Variants in CNTNAP5 observed in about 807,000 individuals in gnomAD.
CNTNAP5 encodes the protein contactin associated protein family member 5.
In CNTNAP5, 72 loss-of-function variants were observed where a neutral mutation model predicts 150.2. The observed-to-expected ratio is 0.48, with a 90% CI of 0.40 to 0.58. CNTNAP5 has a LOEUF of 0.58. Among genes scored for constraint, CNTNAP5 ranks in the 20% least tolerant of loss-of-function variants. The probability of loss-of-function intolerance (pLI) is 0.00; values close to 1 mark genes in which losing one functional copy is unlikely to be tolerated. For synonymous variants in CNTNAP5, 672 were observed against 619.8 expected, an observed-to-expected ratio of 1.08 and a Z score of -1.25; for missense variants, 1,636 against 1,626.2, an observed-to-expected ratio of 1.01 and a Z score of -0.10.
intron 7 of CNTNAP5, among the ~76,000 whole-genome samples, chr2:124,478,950 T>C (rs1168036023): frequency 6.6e-6 from 1 of 152,166 alleles, no homozygotes; most frequent in Non-Finnish European, 1.5e-5. Flanking sequence ...GGCATCCTCA[T>C]TGCAATCTGT....
At chr2:124,214,636 G>A (rs529461304) in intron 1 of CNTNAP5, among the ~76,000 whole-genome samples, 7 of 152,192 alleles carry the variant, frequency 4.6e-5, no homozygotes, top group African/African-American at 9.6e-5. Context: ...ACTAGTGCAG[G>A]CAGAAGGCTC....
At chr2:124,210,825 G>A (rs1394863671) in intron 1 of CNTNAP5, among the ~76,000 whole-genome samples, 2 of 152,032 alleles carry the variant, frequency 1.3e-5, no homozygotes, top group Admixed American at 6.6e-5. Context: ...ACATGAGCTT[G>A]GGAGGCCCTA....
intron 3 of CNTNAP5, among the ~76,000 whole-genome samples, chr2:124,373,833 A>G (rs780057): frequency 0.26 from 38,978 of 149,146 alleles, 6,029 homozygotes; most frequent in South Asian, 0.5. Context: ...ACCTGATAAC[A>G]AATACTTAGT....
chr2:124,823,955 G>A (rs1485841315), intron 19 of CNTNAP5, among the ~76,000 whole-genome samples: 2 of 133,620 alleles, frequency 1.5e-5, no homozygotes, highest in Non-Finnish European at 3.2e-5. Flanking sequence ...TTTTACTCTT[G>A]TTTCCCAGGC....
chr2:124,586,416 G>A lies in CNTNAP5; in HGVS notation c.1756+23093G>A, dbSNP rs990483486. Among the ~76,000 whole-genome samples, 16 of 152,148 alleles carry A rather than the reference G, an allele frequency of 1.1e-4. No individual in the cohort carries two copies. In the East Asian group the frequency reaches 1.4e-3, roughly 13 times the overall value. On this transcript the variant is annotated intron_variant, in intron 11 of 23. Transcript: ENST00000682447. ...GCTACTATCCAGCGGAGCCAGGAGC[G>A]GGTGCTGGCCTGCCTGCAGGACACA...
chr2:124,501,957 G>A (rs1190374161), intron 7 of CNTNAP5, among the ~76,000 whole-genome samples: 1 of 152,158 alleles, frequency 6.6e-6, no homozygotes, highest in Non-Finnish European at 1.5e-5. Context: ...AGCTGGAGTG[G>A]CTTCACAGGG....
intron 7 of CNTNAP5, among the ~76,000 whole-genome samples, chr2:124,483,995 C>T (rs1693814363): frequency 1.3e-5 from 2 of 152,352 alleles, no homozygotes; most frequent in African/African-American, 4.8e-5. Flanking sequence ...GATCACTCAT[C>T]ACAATTCTGG....
intron 11 of CNTNAP5, among the ~76,000 whole-genome samples, chr2:124,578,200 G>A (rs559380816): frequency 2.5e-4 from 38 of 150,264 alleles, no homozygotes; most frequent in African/African-American, 9.0e-4. Context: ...CATGGTGGCA[G>A]GCACCTGTAA....
At position 124,761,719 on chromosome 2, in the gene CNTNAP5, A is replaced by G. The variant is rs1193080119; in HGVS notation, c.2235-1953A>G. Among the ~76,000 whole-genome samples, 9 of 152,240 alleles carry G rather than the reference A, an allele frequency of 5.9e-5. No homozygotes were observed. The South Asian group carries it at 1.0e-3, about 18-fold the overall frequency. ...TTAAATTTGTGTCTGTTTCTGTTGC[A>G]TTAAACAGCTTTAGAGAGCAATTTA... On this transcript the variant is annotated intron_variant, in intron 14 of 23. Coordinates refer to ENST00000682447, the MANE Select transcript of CNTNAP5 (RefSeq NM_001367498.1).
Position 124,419,152 on chromosome 2 carries a change from A to AAACAAAAAAAAC in CNTNAP5, c.529+1564_529+1565insCAAAAAAAACAA, listed in dbSNP as rs1692013278. On this transcript the variant is annotated intron_variant, in intron 4 of 23. Coordinates refer to ENST00000682447, the MANE Select transcript of CNTNAP5 (RefSeq NM_001367498.1). ...CGAGACTCCTTCTCAAAAAAAAAAA[A>AAACAAAAAAAAC]AAAAAAAAAAACAGTATGAAGCTTT... is the stretch of plus-strand genomic sequence containing the variant. Among the ~76,000 whole-genome samples the AAACAAAAAAAAC allele has an allele frequency of 2.5e-5, 3 of 120,996 alleles. 1 individual carries two copies. Among genetic ancestry groups the AAACAAAAAAAAC allele is most frequent in the Admixed American group, 1.7e-4 (2 of 11,674 alleles). 79.4% of individuals were successfully genotyped at this position (120,996 alleles called of 152,430 possible).
intron 13 of CNTNAP5, among the ~76,000 whole-genome samples, chr2:124,655,959 GAA>G (rs1439047161): frequency 8.2e-6 from 1 of 122,356 alleles, no homozygotes; most frequent in African/African-American, 3.1e-5. Flanking sequence ...AAGAAAGAAA[GAA>G]AGAAAGAAAG....
intron 1 of CNTNAP5, among the ~76,000 whole-genome samples, chr2:124,200,789 A>G (rs1011605885): frequency 1.3e-5 from 2 of 152,136 alleles, no homozygotes; most frequent in Non-Finnish European, 2.9e-5. Flanking sequence ...AGAGGCACAA[A>G]TTGTCCACAC....
chr2:124,777,742 A>G (rs1681356495), intron 17 of CNTNAP5, among the ~76,000 whole-genome samples: 1 of 147,978 alleles, frequency 6.8e-6, no homozygotes, highest in South Asian at 2.2e-4. Flanking sequence ...TCTCTGTTGG[A>G]TTGACAATGG....
At chr2:124,788,913 A>G (rs1681658278) in intron 17 of CNTNAP5, among the ~76,000 whole-genome samples, 1 of 152,138 alleles carries the variant, frequency 6.6e-6, no homozygotes, top group African/African-American at 2.4e-5. Context: ...GATTACAGGC[A>G]TGTACCACCA....
chr2:124,032,277 A>T (rs145962318), intron 1 of CNTNAP5, among the ~76,000 whole-genome samples: 1 of 152,270 alleles, frequency 6.6e-6, no homozygotes, highest in East Asian at 1.9e-4. Flanking sequence ...TAGCTGGAGA[A>T]ATGGGAGGGG....
At chr2:124,593,832 C>T (rs1696759806) in intron 11 of CNTNAP5, among the ~76,000 whole-genome samples, 1 of 60,374 alleles carries the variant, frequency 1.7e-5, no homozygotes, top group Non-Finnish European at 3.0e-5. Context: ...GCCATTCTAA[C>T]TGGTGTGAGA....
chr2:124,741,161 A>G (rs1047190246), intron 13 of CNTNAP5, among the ~76,000 whole-genome samples: 1 of 152,244 alleles, frequency 6.6e-6, no homozygotes, highest in East Asian at 1.9e-4. Context: ...ATCTAAGGCT[A>G]TGAGAATACA....
chr2:124,302,587 C>A (rs577271341), intron 3 of CNTNAP5, among the ~76,000 whole-genome samples: 1 of 152,330 alleles, frequency 6.6e-6, no homozygotes, highest in East Asian at 1.9e-4. Context: ...AACTAACTCA[C>A]TCCGCAAAAT....
At position 124,820,978 on chromosome 2, in the gene CNTNAP5, G is replaced by A. The variant is rs921807458; in HGVS notation, c.3217+22658G>A. 2.0e-5 allele frequency among the ~76,000 whole-genome samples: 3 copies of A among 152,326 alleles called. No homozygotes were observed. The East Asian group carries it at 5.8e-4, about 29-fold the overall frequency. ...GTGAACAAACTTGTGGAAATATGCA[G>A]TGGTTCTCACAGTTTGTGCTCACAG... On this transcript the variant is annotated intron_variant, in intron 19 of 23. Transcript: ENST00000682447.
Sources: allele counts gnomAD v4.1 joint callset (sites outside exome capture counted in the v4.1 genomes callset), GRCh38; gene constraint gnomAD v4.1.1; transcripts MANE v1.5; gene names NCBI Gene and HGNC (gene_info 2026-07-23, HGNC 2026-07-21).